Variants in TSPEAR observed in about 807,000 individuals in gnomAD.
TSPEAR encodes the protein thrombospondin type laminin G domain and EAR repeats, also known as thrombospondin-type laminin G domain and EAR repeat-containing protein.
In TSPEAR, 69 loss-of-function variants were observed where a neutral mutation model predicts 71.6. That is an observed-to-expected ratio of 0.96 (90% CI 0.79 to 1.18). The LOEUF (loss-of-function observed/expected upper bound fraction) is 1.18. Among genes scored for constraint, TSPEAR ranks in the 50% most tolerant of loss-of-function variants. The pLI, the probability that TSPEAR is intolerant of heterozygous loss-of-function variation, is 0.00. For synonymous variants in TSPEAR, 402 were observed against 387.2 expected, an observed-to-expected ratio of 1.04 and a Z score of -0.45; for missense variants, 971 against 894.9, an observed-to-expected ratio of 1.09 and a Z score of -1.09.
chr21:44,557,499 G>T (rs782755600), intron 2 of TSPEAR, among the ~76,000 whole-genome samples: 1 of 152,190 alleles, frequency 6.6e-6, no homozygotes, highest in Non-Finnish European at 1.5e-5. Flanking sequence ...GATGAGTGGG[G>T]GTCAGACAGG....
At chr21:44,513,736 AAG>A (rs1351693214) in intron 9 of TSPEAR, among the ~76,000 whole-genome samples, 4 of 152,178 alleles carry the variant, frequency 2.6e-5, no homozygotes, top group African/African-American at 9.7e-5. Flanking sequence ...AGGGCAAAGA[AAG>A]AGGATGCCTC....
Position 44,638,890 on chromosome 21 carries a change from C to T in TSPEAR, c.83-70885G>A, listed in dbSNP as rs587707397. 4.6e-5 allele frequency among the ~76,000 whole-genome samples: 7 copies of T among 152,190 alleles called. No homozygotes were observed. In the South Asian group the frequency reaches 6.2e-4, roughly 14 times the overall value. On this transcript the variant is annotated intron_variant, in intron 1 of 11. Coordinates refer to ENST00000323084, the MANE Select transcript of TSPEAR (RefSeq NM_144991.3). The stretch of plus-strand genomic sequence containing the variant: ...GGCTCCACCCAGCAGCCTCACCCCT[C>T]CTGTTACCCCTGGGGAGACCAGCTA...
chr21:44,514,495 T>G (rs2052496607), intron 9 of TSPEAR, among the ~76,000 whole-genome samples: 1 of 152,204 alleles, frequency 6.6e-6, no homozygotes, highest in Non-Finnish European at 1.5e-5. Flanking sequence ...TGGCTGCTGC[T>G]GGCCTTGTGA....
At chr21:44,628,183 G>A in intron 1 of TSPEAR, 1 of 1,141,618 alleles carries the variant, frequency 8.8e-7, no homozygotes, top group Non-Finnish European at 1.2e-6. Context: ...CAGCCCCGGG[G>A]TCTCAGATGC....
At chr21:44,555,740 T>A (rs892049755) in intron 2 of TSPEAR, among the ~76,000 whole-genome samples, 2 of 152,032 alleles carry the variant, frequency 1.3e-5, no homozygotes, top group Non-Finnish European at 2.9e-5. Context: ...AAGGCAGCCT[T>A]GCTCTGGGCT....
chr21:44,656,971 T>G (rs747227970), intron 1 of TSPEAR, among the ~76,000 whole-genome samples: 13 of 152,178 alleles, frequency 8.5e-5, no homozygotes, highest in Non-Finnish European at 1.6e-4. Context: ...GGGATTCTGA[T>G]GCTTGGTTCT....
chr21:44,547,671 T>G (rs996383248), intron 2 of TSPEAR, among the ~76,000 whole-genome samples: 1 of 152,248 alleles, frequency 6.6e-6, no homozygotes, highest in African/African-American at 2.4e-5. Flanking sequence ...ACGCCTGGAA[T>G]CAAAAAATTG....
chr21:44,688,003 G>A (rs1288443967), intron 1 of TSPEAR, among the ~76,000 whole-genome samples: 21 of 152,176 alleles, frequency 1.4e-4, no homozygotes, highest in Non-Finnish European at 1.5e-5. Flanking sequence ...CAGATCCAGG[G>A]CCGGGCGCGT....
intron 1 of TSPEAR, among the ~76,000 whole-genome samples, chr21:44,600,316 T>C (rs1375665038): frequency 1.3e-5 from 2 of 152,098 alleles, no homozygotes; most frequent in Admixed American, 6.5e-5. Flanking sequence ...TTACACCCTG[T>C]CTACTTCAAT....
rs115403507 is a variant in TSPEAR at position 44,514,023 on chromosome 21, G to A, written c.1567-4637C>T. On this transcript the variant is annotated intron_variant, in intron 9 of 11. Coordinates refer to ENST00000323084, the MANE Select transcript of TSPEAR (RefSeq NM_144991.3). The stretch of plus-strand genomic sequence containing the variant: ...TGCTCTTCCCGGCCCTGCAGAACCC[G>A]CAAGCCTGGCACCTTCCCCAAGCTG... Among the ~76,000 whole-genome samples the A allele has an allele frequency of 4.0e-3, 603 of 152,254 alleles. 4 individuals carry two copies. Among genetic ancestry groups the A allele is most frequent in the African/African-American group, 0.013 (560 of 41,558 alleles).
intron 2 of TSPEAR, among the ~76,000 whole-genome samples, chr21:44,560,141 T>C (rs2053611213): frequency 6.6e-6 from 1 of 151,918 alleles, no homozygotes. Flanking sequence ...TGGAGGAAAA[T>C]GTACCAAGCA....
At chr21:44,537,382 C>A (rs1555916467) in intron 2 of TSPEAR, among the ~76,000 whole-genome samples, 1 of 152,170 alleles carries the variant, frequency 6.6e-6, no homozygotes, top group African/African-American at 2.4e-5. Context: ...GATAGTGGCA[C>A]CTTCTTTATG....
chr21:44,616,703 CCG>C (rs1982118816), intron 1 of TSPEAR, among the ~76,000 whole-genome samples: 1 of 152,244 alleles, frequency 6.6e-6, no homozygotes, highest in Admixed American at 6.5e-5. Context: ...GAATGAGACA[CCG>C]TGACAATGCG....
At chr21:44,566,623 A>C (rs587650786) in intron 2 of TSPEAR, among the ~76,000 whole-genome samples, 166 of 152,336 alleles carry the variant, frequency 1.1e-3, no homozygotes, top group Middle Eastern at 0.01. Context: ...AATCTTGGTT[A>C]CTACAGTAAC....
chr21:44,561,679 G>C (rs117821009), intron 2 of TSPEAR, among the ~76,000 whole-genome samples: 11,134 of 152,086 alleles, frequency 0.073, 594 homozygotes, highest in Admixed American at 0.14. Context: ...GCTCAACATA[G>C]GCAAATCGAT....
intron 1 of TSPEAR, chr21:44,676,759 T>C: frequency 1.2e-6 from 1 of 808,528 alleles, no homozygotes; most frequent in Non-Finnish European, 2.2e-6. Flanking sequence ...CTATTCAGCC[T>C]GCATTTTACT....
intron 1 of TSPEAR, among the ~76,000 whole-genome samples, chr21:44,587,001 C>A (rs1403495601): frequency 1.3e-5 from 2 of 152,120 alleles, no homozygotes; most frequent in Non-Finnish European, 2.9e-5. Context: ...CCCATTCTCA[C>A]CACTTCTCTT....
At chr21:44,502,500 G>A (rs587602907) in intron 11 of TSPEAR, among the ~76,000 whole-genome samples, 32 of 152,346 alleles carry the variant, frequency 2.1e-4, no homozygotes, top group South Asian at 4.1e-4. Flanking sequence ...AACCCCATTC[G>A]TTAAACGTAC....
intron 2 of TSPEAR, among the ~76,000 whole-genome samples, chr21:44,554,263 C>T (rs2053491588): frequency 6.6e-6 from 1 of 152,204 alleles, no homozygotes; most frequent in South Asian, 2.1e-4. Flanking sequence ...TGTCTGTAGA[C>T]CAGGAAGAGA....
Sources: allele counts gnomAD v4.1 joint callset (sites outside exome capture counted in the v4.1 genomes callset), GRCh38; gene constraint gnomAD v4.1.1; transcripts MANE v1.5; gene names NCBI Gene and HGNC (gene_info 2026-07-23, HGNC 2026-07-21).